The following GNPTAB variants were observed in gnomAD, a reference collection of about 807,000 sequenced individuals.
The protein encoded by GNPTAB is N-acetylglucosamine-1-phosphate transferase subunits alpha and beta, also known as N-acetylglucosamine-1-phosphotransferase subunits alpha/beta.
In GNPTAB, 92 loss-of-function variants were observed where a neutral mutation model predicts 136.6. The ratio of observed to expected loss-of-function variants is 0.67; its 90% CI spans 0.57 to 0.80. The LOEUF (loss-of-function observed/expected upper bound fraction) is 0.80. Among genes scored for constraint, GNPTAB ranks in the 30% least tolerant of loss-of-function variants. The pLI, the probability that GNPTAB is intolerant of heterozygous loss-of-function variation, is 0.00. For synonymous variants in GNPTAB, 512 were observed against 535.1 expected (o/e 0.96, Z 0.60); for missense variants, 1,343 against 1,501.8 (o/e 0.89, Z 1.75).
intron 1 of GNPTAB, among the ~76,000 whole-genome samples, chr12:101,807,807 G>A (rs762326934): frequency 6.6e-6 from 1 of 152,142 alleles, no homozygotes; most frequent in Non-Finnish European, 1.5e-5. Flanking sequence ...GCGCACACTT[G>A]TAGTCCCAGC....
At chr12:101,775,234 T>C (rs1308749730) in intron 7 of GNPTAB, among the ~76,000 whole-genome samples, 8 of 152,352 alleles carry the variant, frequency 5.3e-5, no homozygotes, top group African/African-American at 1.9e-4. Flanking sequence ...CTACTTTCAT[T>C]TTGGATTCAT....
At chr12:101,822,353 G>A (rs893428502) in intron 1 of GNPTAB, among the ~76,000 whole-genome samples, 12 of 152,218 alleles carry the variant, frequency 7.9e-5, no homozygotes, top group African/African-American at 2.4e-4. Context: ...GGCGGAGCCT[G>A]CAGTGAGCCG....
chr12:101,767,236 T>C (rs1047221933), intron 11 of GNPTAB, among the ~76,000 whole-genome samples: 5 of 152,218 alleles, frequency 3.3e-5, no homozygotes, highest in African/African-American at 1.2e-4. Context: ...CAAGTGAATA[T>C]AATGAATAAT....
intron 4 of GNPTAB, among the ~76,000 whole-genome samples, chr12:101,787,913 C>CAAAA (rs34261197): frequency 6.1e-4 from 78 of 126,884 alleles, no homozygotes; most frequent in Non-Finnish European, 1.0e-3. Flanking sequence ...AACTCCGTCT[C>CAAAA]AAAAAAAAAA....
Position 101,789,345 on chromosome 12 carries a change from G to A in GNPTAB, c.323+593C>T, listed in dbSNP as rs542826088. On this transcript the variant is annotated intron_variant, in intron 3 of 20. Coordinates refer to ENST00000299314, the MANE Select transcript of GNPTAB (RefSeq NM_024312.5). The stretch of plus-strand genomic sequence containing the variant: ...TCTCCTTGGGCACCAAGAAACACAG[G>A]CCAGATGGATGACTGCCAAGATCTC... 1.2e-3 allele frequency among the ~76,000 whole-genome samples: 179 copies of A among 152,322 alleles called. 1 individual carries two copies. The highest frequency in any genetic ancestry group is 2.2e-3 in the Non-Finnish European group (152 of 68,038).
intron 7 of GNPTAB, chr12:101,773,308 C>A: frequency 4.1e-6 from 1 of 246,034 alleles, no homozygotes; most frequent in East Asian, 1.1e-4. Flanking sequence ...CTTCACCCCC[C>A]ATGCTCTCCA....
At chr12:101,825,059 C>T (rs934614713) in intron 1 of GNPTAB, among the ~76,000 whole-genome samples, 1 of 152,188 alleles carries the variant, frequency 6.6e-6, no homozygotes, top group South Asian at 2.1e-4. Context: ...AGAACTGCCT[C>T]GAGGATGTTT....
rs552251924 is a variant in GNPTAB, at chr12:101,768,219, T to G, written c.1285-59A>C. 80 of 1,566,390 alleles carry G rather than the reference T, an allele frequency of 5.1e-5. No individual in the cohort carries two copies. The South Asian group carries it at 8.3e-4, about 16-fold the overall frequency. On this transcript the variant is annotated intron_variant, in intron 10 of 20. Transcript: ENST00000299314. ...TCTGGCTTCTGATACATTTTATTCT[T>G]GAGTTAAGATTCCCTTTATAAAAAG...
chr12:101,770,071 C>G lies in GNPTAB; in HGVS notation c.1234G>C (p.Gly412Arg). 1 of 1,614,158 alleles carries G rather than the reference C, an allele frequency of 6.2e-7. No homozygotes were observed. ...AAATCATCTGGCCAGACATCCTTCC[C>G]AAACATGACATCATCATTTAGGTAA... ...FIYLNDDVMF[G>R]KDVWPDDFYS... Residue 412 changes from glycine (G) to arginine (R), a missense_variant, in exon 10 of 21, where the codon GGG becomes CGG. Transcript: ENST00000299314.
rs561347282 is a variant in GNPTAB at position 101,761,550 on chromosome 12, C to T, written c.2915+14G>A. On this transcript the variant is annotated intron_variant, in intron 14 of 20. Transcript: ENST00000299314. ...TGAACACAAGCAAACAACTCAAACA[C>T]GAGCAAGACTTACATATCTTGCAGT... 40 of 1,609,936 alleles carry T rather than the reference C, an allele frequency of 2.5e-5. No homozygotes were observed. In the South Asian group the frequency reaches 2.7e-4, roughly 11 times the overall value.
intron 11 of GNPTAB, 100 bp from the exon 12 acceptor site, chr12:101,766,394 T>C (rs972416692): frequency 2.9e-6 from 3 of 1,024,884 alleles, no homozygotes; most frequent in African/African-American, 3.1e-5. Context: ...TCTCAACACT[T>C]TGGGAGGCAG....
intron 2 of GNPTAB, chr12:101,796,032 C>T: frequency 2.2e-6 from 1 of 453,390 alleles, no homozygotes; most frequent in African/African-American, 2.0e-5. Flanking sequence ...GCTTGGCCTT[C>T]CAAGGGAAAG....
At chr12:101,767,951 G>A in intron 11 of GNPTAB, 86 bp downstream of exon 11, 1 of 1,362,494 alleles carries the variant, frequency 7.3e-7, no homozygotes, top group Non-Finnish European at 1.0e-6. Flanking sequence ...AAGAATGTTT[G>A]GTTAAGTCTA....
At chr12:101,784,358 C>T (rs887468008) in intron 5 of GNPTAB, among the ~76,000 whole-genome samples, 11 of 152,160 alleles carry the variant, frequency 7.2e-5, no homozygotes, top group African/African-American at 2.7e-4. Flanking sequence ...TGTGAAGACA[C>T]TGACAGCTGC....
At chr12:101,756,678 A>T (rs1179225991) in intron 18 of GNPTAB, 11 of 187,950 alleles carry the variant, frequency 5.9e-5, no homozygotes. Context: ...TTTTTAGCAC[A>T]TTTTATCAAA....
chr12:101,768,588 G>A (rs1953128257), intron 10 of GNPTAB, among the ~76,000 whole-genome samples: 1 of 152,140 alleles, frequency 6.6e-6, no homozygotes, highest in Admixed American at 6.5e-5. Flanking sequence ...GCATAATCTT[G>A]TCTCAAGGCT....
intron 1 of GNPTAB, among the ~76,000 whole-genome samples, chr12:101,798,605 TGA>T (rs1458407963): frequency 3.3e-5 from 5 of 152,196 alleles, no homozygotes; most frequent in Non-Finnish European, 4.4e-5. Context: ...CGTTTGCAAT[TGA>T]GAGAGGTAAA....
chr12:101,770,263 A>C, intron 9 of GNPTAB, 72 bp from the exon 10 acceptor site: 2 of 1,510,100 alleles, frequency 1.3e-6, no homozygotes, highest in Non-Finnish European at 1.8e-6. Flanking sequence ...TTTGAAAGGA[A>C]GGAAGGGAAG....
chr12:101,746,832 T>C lies in GNPTAB; in HGVS notation c.*332A>G, dbSNP rs925252982. 1.5e-5 allele frequency: 4 copies of C among 258,402 alleles called. No individual in the cohort carries two copies. The highest frequency in any genetic ancestry group is 2.2e-5 in the African/African-American group (1 of 44,644). The allele number at this position is 258,402 out of a possible 1,614,324, so 16.0% of individuals were successfully genotyped here. ...CAATCACTCCCAGCTGGCATAGGCT[T>C]CTCCTAATAAAGTTAGTCTGCAATG... On this transcript the variant is annotated 3_prime_UTR_variant, in exon 21 of 21. Transcript: ENST00000299314.
Sources: allele counts gnomAD v4.1 joint callset (sites outside exome capture counted in the v4.1 genomes callset), GRCh38; gene constraint gnomAD v4.1.1; transcripts MANE v1.5; gene names NCBI Gene and HGNC (gene_info 2026-07-23, HGNC 2026-07-21).